The following HMMR variants were observed in gnomAD, a reference collection of about 807,000 sequenced individuals.
HMMR encodes intracellular hyaluronic acid-binding protein.
A neutral mutation model predicts 101.0 loss-of-function variants in HMMR; 108 were observed. That is an observed-to-expected ratio of 1.07 (90% CI 0.92 to 1.25). The LOEUF (loss-of-function observed/expected upper bound fraction) is 1.25, where lower values mean the gene tolerates loss of function less well. Among genes scored for constraint, HMMR ranks in the 50% most tolerant of loss-of-function variants. HMMR has a pLI of 0.00. For synonymous variants in HMMR, 296 were observed against 276.4 expected (o/e 1.07, Z -0.70); for missense variants, 813 against 788.7 (o/e 1.03, Z -0.37).
At chr5:163,478,902 A>G in intron 12 of HMMR, 102 bp downstream of exon 12, 2 of 655,194 alleles carry the variant, frequency 3.1e-6, no homozygotes, top group South Asian at 3.7e-5. Context: ...AGGATGATTC[A>G]TACTAGTTTA....
At chr5:163,464,609 C>G (rs1344788385) in intron 2 of HMMR, 114 bp from the exon 3 acceptor site, 1 of 736,040 alleles carries the variant, frequency 1.4e-6, no homozygotes, top group Non-Finnish European at 2.3e-6. Flanking sequence ...GAGACTGTCT[C>G]AAAAAACAAA....
chr5:163,462,044 C>G (rs1758557695), intron 1 of HMMR, among the ~76,000 whole-genome samples: 1 of 152,086 alleles, frequency 6.6e-6, no homozygotes, highest in Admixed American at 6.5e-5. Context: ...CAACTACTCA[C>G]AAAGGAAGGC....
chr5:163,476,030 G>A (rs71598001), intron 11 of HMMR, among the ~76,000 whole-genome samples: 16 of 152,020 alleles, frequency 1.1e-4, no homozygotes, highest in African/African-American at 3.9e-4. Context: ...AATCAACTCA[G>A]GGCTGGATGT....
chr5:163,461,773 ACT>A (rs1041393103), intron 1 of HMMR, among the ~76,000 whole-genome samples: 2 of 151,002 alleles, frequency 1.3e-5, no homozygotes, highest in African/African-American at 2.4e-5. Context: ...ACAGAGCAAG[ACT>A]CTGTCTTACA....
At chr5:163,469,990 A>T (rs972997060) in intron 5 of HMMR, 161 bp downstream of exon 5, 1 of 496,550 alleles carries the variant, frequency 2.0e-6, no homozygotes, top group African/African-American at 2.0e-5. Flanking sequence ...CAACATGGAG[A>T]AACCCTGTCT....
chr5:163,463,979 T>C (rs1488130064), intron 2 of HMMR, 25 bp downstream of exon 2: 4 of 757,006 alleles, frequency 5.3e-6, no homozygotes, highest in East Asian at 3.0e-5. Flanking sequence ...CAAAGAACAA[T>C]GGTTATGTGA....
At chr5:163,470,630 A>G (rs1024304973) in intron 5 of HMMR, among the ~76,000 whole-genome samples, 2 of 152,186 alleles carry the variant, frequency 1.3e-5, no homozygotes, top group Non-Finnish European at 2.9e-5. Context: ...TGGGTGACAG[A>G]GTGAGACTCT....
chr5:163,476,451 C>A (rs1436604394), intron 11 of HMMR, among the ~76,000 whole-genome samples: 1 of 152,106 alleles, frequency 6.6e-6, no homozygotes, highest in African/African-American at 2.4e-5. Context: ...TTTCCGGGAG[C>A]ACAAACACTT....
At chr5:163,478,402 TATCTTAAG>T (rs1481733658) in intron 11 of HMMR, among the ~76,000 whole-genome samples, 5 of 152,238 alleles carry the variant, frequency 3.3e-5, no homozygotes, top group African/African-American at 4.8e-5. Context: ...TCCTGGCTAG[TATCTTAAG>T]ATTTGGTTTT....
chr5:163,463,032 G>A (rs1192121626), intron 1 of HMMR, among the ~76,000 whole-genome samples: 3 of 152,070 alleles, frequency 2.0e-5, no homozygotes, highest in Non-Finnish European at 4.4e-5. Context: ...TAGGCTAGTA[G>A]TATTTTAATT....
At chr5:163,487,080 G>C (rs889757138) in intron 16 of HMMR, among the ~76,000 whole-genome samples, 1 of 152,122 alleles carries the variant, frequency 6.6e-6, no homozygotes, top group South Asian at 2.1e-4. Flanking sequence ...CAAAGATGTC[G>C]ATTTGTCATA....
chr5:163,464,598 T>C (rs2113455341), intron 2 of HMMR, 125 bp from the exon 3 acceptor site: 1 of 669,814 alleles, frequency 1.5e-6, no homozygotes, highest in South Asian at 1.7e-5. Context: ...TGGGTGACAG[T>C]GAGACTGTCT....
intron 1 of HMMR, among the ~76,000 whole-genome samples, chr5:163,463,566 A>G (rs996229733): frequency 6.6e-6 from 1 of 152,200 alleles, no homozygotes; most frequent in Admixed American, 6.5e-5. Flanking sequence ...GCTATATTCA[A>G]TCCTTAGTAA....
At chr5:163,465,696 C>G (rs1006289390) in intron 3 of HMMR, among the ~76,000 whole-genome samples, 7 of 152,046 alleles carry the variant, frequency 4.6e-5, no homozygotes, top group African/African-American at 1.7e-4. Context: ...CAGTGGTTCA[C>G]GCCTATAATC....
At chr5:163,469,901 C>A in intron 5 of HMMR, 72 bp downstream of exon 5, 2 of 1,053,274 alleles carry the variant, frequency 1.9e-6, no homozygotes, top group African/African-American at 1.6e-5. Context: ...GGCACGGTGG[C>A]TCACGCCTGT....
chr5:163,468,384 T>C (rs1270908544), intron 4 of HMMR, among the ~76,000 whole-genome samples: 1 of 152,226 alleles, frequency 6.6e-6, no homozygotes, highest in Non-Finnish European at 1.5e-5. Context: ...GAAATTTCTA[T>C]TGAACAGTAC....
intron 3 of HMMR, chr5:163,465,238 T>G (rs939005518): frequency 6.2e-6 from 1 of 161,514 alleles, no homozygotes; most frequent in African/African-American, 2.4e-5. Flanking sequence ...GGTGAGAGAT[T>G]AAATTCTTAA....
chr5:163,485,875 A>G (rs1040437502), intron 16 of HMMR, among the ~76,000 whole-genome samples: 3 of 152,332 alleles, frequency 2.0e-5, no homozygotes, highest in South Asian at 4.1e-4. Context: ...TGGACATGCA[A>G]TAGTCCCCAC....
Position 163,482,780 on chromosome 5 carries a change from A to G in HMMR, c.1524A>G (p.Glu508=). 1.9e-6 allele frequency: 3 copies of G among 1,613,378 alleles called. No individual in the cohort carries two copies. Among genetic ancestry groups the G allele is most frequent in the Non-Finnish European group, 2.5e-6 (3 of 1,179,358 alleles). Residue 508 remains glutamate, a synonymous_variant, in exon 13 of 18, where the codon GAA becomes GAG. Transcript: ENST00000393915. ...TGGCAACTGAGAGCTCAAATCAAGA[A>G]TATGTAAGGTATATAGAGCAAATAA... The part of the protein sequence containing the change: ...QILATESSNQ[E]YVRMLLDLQT...
Sources: allele counts gnomAD v4.1 joint callset (sites outside exome capture counted in the v4.1 genomes callset), GRCh38; gene constraint gnomAD v4.1.1; transcripts MANE v1.5; gene names NCBI Gene and HGNC (gene_info 2026-07-23, HGNC 2026-07-21).